The following TMEM108 variants were observed in gnomAD, a reference collection of about 807,000 sequenced individuals.
TMEM108 encodes cancer/testis antigen 124.
Under a neutral mutation model 35.1 loss-of-function variants are expected in TMEM108, and 12 were observed. The ratio of observed to expected loss-of-function variants is 0.34; its 90% CI spans 0.22 to 0.55. TMEM108 has a LOEUF of 0.55. Ranked by LOEUF, TMEM108 falls within the 20% of genes least tolerant of loss-of-function variation. The probability of loss-of-function intolerance (pLI) is 0.89; values close to 1 mark genes in which losing one functional copy is unlikely to be tolerated. For synonymous variants in TMEM108, 287 were observed against 308.6 expected (o/e 0.93, Z 0.73); for missense variants, 680 against 753.3 (o/e 0.90, Z 1.14).
chr3:133,077,210 G>A (rs1576306192), intron 2 of TMEM108, among the ~76,000 whole-genome samples: 1 of 152,168 alleles, frequency 6.6e-6, no homozygotes, highest in Admixed American at 6.5e-5. Context: ...GGAGGCAGCC[G>A]ATGTTTTATA....
At chr3:133,344,899 A>G (rs929768990) in intron 3 of TMEM108, among the ~76,000 whole-genome samples, 2 of 152,058 alleles carry the variant, frequency 1.3e-5, no homozygotes, top group Middle Eastern at 3.4e-3. Context: ...AGTCAGAATT[A>G]TAAGCATGGA....
chr3:133,280,966 C>A (rs1487306356), intron 3 of TMEM108, among the ~76,000 whole-genome samples: 2 of 152,232 alleles, frequency 1.3e-5, no homozygotes, highest in East Asian at 3.8e-4. Context: ...AAAGCTTTCA[C>A]ACTGTCACTT....
intron 3 of TMEM108, among the ~76,000 whole-genome samples, chr3:133,378,995 T>C (rs1218338538): frequency 6.6e-6 from 1 of 152,140 alleles, no homozygotes; most frequent in Non-Finnish European, 1.5e-5. Context: ...TTTTATGGGC[T>C]CCAGGTCTGG....
At chr3:133,161,336 G>T (rs1304625975) in intron 2 of TMEM108, among the ~76,000 whole-genome samples, 1 of 152,122 alleles carries the variant, frequency 6.6e-6, no homozygotes, top group Admixed American at 6.5e-5. Context: ...TCATCACTCA[G>T]TCTAAAGTAG....
chr3:133,158,088 A>T lies in TMEM108; in HGVS notation c.-46-71178A>T, dbSNP rs572507440. ...GTGAGTCCTTTTAACTCCTTTTTATATAACAGATTCAGACAACAACAAACA... is the reference window on the plus strand; with the variant it reads ...GTGAGTCCTTTTAACTCCTTTTTATTTAACAGATTCAGACAACAACAAACA... On this transcript the variant is annotated intron_variant, in intron 2 of 5. Transcript: ENST00000321871. Among the ~76,000 whole-genome samples, 10 of 152,254 alleles carry T rather than the reference A, an allele frequency of 6.6e-5. No homozygotes were observed. The East Asian group carries it at 1.7e-3, about 26-fold the overall frequency.
intron 2 of TMEM108, among the ~76,000 whole-genome samples, chr3:133,144,335 G>A (rs186646944): frequency 8.3e-4 from 126 of 152,272 alleles, no homozygotes; most frequent in African/African-American, 2.9e-3. Context: ...GTATTCCATG[G>A]TGTATATGTG....
intron 3 of TMEM108, among the ~76,000 whole-genome samples, chr3:133,293,965 G>A (rs1947108482): frequency 6.6e-6 from 1 of 152,132 alleles, no homozygotes; most frequent in Admixed American, 6.6e-5. Flanking sequence ...TTGCAAACTG[G>A]AACACTGCCA....
chr3:133,309,770 G>A (rs1244225135), intron 3 of TMEM108, among the ~76,000 whole-genome samples: 5 of 128,608 alleles, frequency 3.9e-5, no homozygotes, highest in African/African-American at 5.9e-5. Flanking sequence ...GCGGGATCTC[G>A]GCTCACTGCA....
intron 2 of TMEM108, among the ~76,000 whole-genome samples, chr3:133,207,166 C>T (rs1410704954): frequency 2.0e-5 from 3 of 152,154 alleles, no homozygotes; most frequent in African/African-American, 7.2e-5. Flanking sequence ...ATGGGAAAAG[C>T]ATAGTATCTG....
chr3:133,173,544 G>A (rs1175811079), intron 2 of TMEM108, among the ~76,000 whole-genome samples: 1 of 152,202 alleles, frequency 6.6e-6, no homozygotes, highest in East Asian at 1.9e-4. Flanking sequence ...CAGAAGTGAA[G>A]GTATATTACA....
At chr3:133,117,535 T>G (rs192052784) in intron 2 of TMEM108, among the ~76,000 whole-genome samples, 9 of 152,172 alleles carry the variant, frequency 5.9e-5, no homozygotes, top group Non-Finnish European at 1.3e-4. Flanking sequence ...AAAATTAGAG[T>G]GCCATTGACT....
intron 2 of TMEM108, among the ~76,000 whole-genome samples, chr3:133,085,474 G>A (rs1943870015): frequency 6.6e-6 from 1 of 152,122 alleles, no homozygotes; most frequent in Admixed American, 6.5e-5. Flanking sequence ...AGCAAGAGAT[G>A]GGAAATAATT....
intron 2 of TMEM108, among the ~76,000 whole-genome samples, chr3:133,225,397 C>G (rs1946054595): frequency 6.6e-6 from 1 of 152,078 alleles, no homozygotes; most frequent in African/African-American, 2.4e-5. Flanking sequence ...TTTTCTTCCT[C>G]ATACAAATCA....
intron 3 of TMEM108, among the ~76,000 whole-genome samples, chr3:133,342,694 G>A (rs1164009642): frequency 6.6e-6 from 1 of 150,474 alleles, no homozygotes; most frequent in Non-Finnish European, 1.5e-5. Context: ...TTAGTCATGT[G>A]GGAGCTAAAG....
chr3:133,264,980 T>C (rs1396052093), intron 3 of TMEM108, among the ~76,000 whole-genome samples: 1 of 152,202 alleles, frequency 6.6e-6, no homozygotes, highest in African/African-American at 2.4e-5. Flanking sequence ...CACACTCCAC[T>C]GTAGCAGCAG....
chr3:133,394,392 C>T (rs2073276216), intron 5 of TMEM108, among the ~76,000 whole-genome samples: 1 of 152,240 alleles, frequency 6.6e-6, no homozygotes, highest in African/African-American at 2.4e-5. Flanking sequence ...TTGGAAACTT[C>T]CATTCTTTTT....
intron 3 of TMEM108, among the ~76,000 whole-genome samples, chr3:133,298,316 C>T (rs895502116): frequency 3.9e-5 from 6 of 152,176 alleles, no homozygotes; most frequent in East Asian, 1.9e-4. Flanking sequence ...TTTCTTCCAG[C>T]GCCTTCCTCT....
chr3:133,391,050 A>C (rs1366307435), intron 5 of TMEM108, among the ~76,000 whole-genome samples: 1 of 152,138 alleles, frequency 6.6e-6, no homozygotes, highest in African/African-American at 2.4e-5. Flanking sequence ...AACAGTAAAG[A>C]AGGATAAAGG....
At chr3:133,143,891 C>T (rs367738790) in intron 2 of TMEM108, among the ~76,000 whole-genome samples, 8 of 151,772 alleles carry the variant, frequency 5.3e-5, no homozygotes, top group South Asian at 4.2e-4. Context: ...CTCTAAGTTA[C>T]GAACATTCTA....
Sources: allele counts gnomAD v4.1 joint callset (sites outside exome capture counted in the v4.1 genomes callset), GRCh38; gene constraint gnomAD v4.1.1; transcripts MANE v1.5; gene names NCBI Gene and HGNC (gene_info 2026-07-23, HGNC 2026-07-21).